MAEA: variants seen among roughly 807,000 people sequenced by gnomAD.
The protein encoded by MAEA is macrophage erythroblast attacher, E3 ubiquitin ligase.
MAEA carries 22 observed loss-of-function variants against 46.2 expected under a neutral mutation model. The ratio of observed to expected loss-of-function variants is 0.48; its 90% CI spans 0.34 to 0.68. The LOEUF (loss-of-function observed/expected upper bound fraction) is 0.68. Ranked by LOEUF, MAEA falls within the 30% of genes least tolerant of loss-of-function variation. The pLI is 0.01. For synonymous variants in MAEA, 246 were observed against 222.6 expected, an observed-to-expected ratio of 1.11 and a Z score of -0.94; for missense variants, 393 against 558.1, an observed-to-expected ratio of 0.70 and a Z score of 2.98.
intron 1 of MAEA, among the ~76,000 whole-genome samples, chr4:1,304,649 C>T (rs1735663488): frequency 6.6e-6 from 1 of 152,054 alleles, no homozygotes; most frequent in Non-Finnish European, 1.5e-5. Flanking sequence ...TCGTGTTGGC[C>T]AGGATGGTCT....
At chr4:1,329,944 G>T in intron 5 of MAEA, 1 of 985,464 alleles carries the variant, frequency 1.0e-6, no homozygotes, top group Non-Finnish European at 1.2e-6. Context: ...GGAGCGTCGG[G>T]CACCATCTAC....
At chr4:1,295,908 CTGCCTTCACCTGCA>C in intron 1 of MAEA, among the ~76,000 whole-genome samples, 1 of 131,328 alleles carries the variant, frequency 7.6e-6, no homozygotes, top group Admixed American at 7.6e-5. Flanking sequence ...CTCACCTGTG[CTGCCTTCACCTGCA>C]CCCCCTCACC....
intron 5 of MAEA, chr4:1,332,495 G>A: frequency 2.9e-6 from 1 of 349,254 alleles, no homozygotes; most frequent in Non-Finnish European, 5.4e-6. Flanking sequence ...CAGGAAGATG[G>A]CTTGAGCCCA....
At chr4:1,309,424 G>C (rs959661972) in intron 1 of MAEA, 21 of 1,273,732 alleles carry the variant, frequency 1.6e-5, no homozygotes, top group Non-Finnish European at 2.0e-5. Flanking sequence ...CGGAAGAGGA[G>C]GCGGTGCTTT....
rs538005788 is a variant in MAEA at position 1,297,297 on chromosome 4, C to T, written c.69+7315C>T. 1.6e-3 allele frequency among the ~76,000 whole-genome samples: 245 copies of T among 152,290 alleles called. 1 individual carries two copies. Among genetic ancestry groups the T allele is most frequent in the African/African-American group, 5.6e-3 (231 of 41,572 alleles). ...ATGGCTGCTGGGGCTGCGGCCTTCG[C>T]GGCCAGGAGGAGGGTAAGGGGGAAT... On this transcript the variant is annotated intron_variant, in intron 1 of 8. Coordinates refer to ENST00000303400, the MANE Select transcript of MAEA (RefSeq NM_001017405.3).
At chr4:1,316,969 CA>C (rs373687000) in intron 3 of MAEA, among the ~76,000 whole-genome samples, 2,255 of 114,298 alleles carry the variant, frequency 0.02, 43 homozygotes, top group African/African-American at 0.031. Context: ...GCAGGCCCAC[CA>C]CGGCCCCACA....
At chr4:1,330,549 T>G (rs1225671078) in intron 5 of MAEA, 1 of 118,892 alleles carries the variant, frequency 8.4e-6, no homozygotes, top group Non-Finnish European at 1.8e-5. Flanking sequence ...ACTCCTGACC[T>G]TGTGATCCGC....
At chr4:1,329,273 C>T (rs1262673561) in intron 5 of MAEA, 20 of 983,150 alleles carry the variant, frequency 2.0e-5, no homozygotes, top group Non-Finnish European at 2.3e-5. Context: ...CCTGTGTTCC[C>T]CCCGCTCCGC....
At chr4:1,290,698 CTGT>C (rs1734016764) in intron 1 of MAEA, among the ~76,000 whole-genome samples, 1 of 152,226 alleles carries the variant, frequency 6.6e-6, no homozygotes, top group East Asian at 1.9e-4. Flanking sequence ...CTTCGTGGTT[CTGT>C]GTTGCCTTCC....
chr4:1,330,816 C>G (rs1443880364), intron 5 of MAEA: 1 of 152,116 alleles, frequency 6.6e-6, no homozygotes, highest in East Asian at 1.9e-4. Context: ...ATCAAACGAT[C>G]TGAAAAGAGT....
intron 1 of MAEA, among the ~76,000 whole-genome samples, chr4:1,300,983 G>GC (rs1465630578): frequency 6.6e-6 from 1 of 152,186 alleles, no homozygotes; most frequent in Non-Finnish European, 1.5e-5. Context: ...CATGAGACTG[G>GC]CCCCTCCAGG....
At chr4:1,317,981 T>C (rs1737515053) in intron 3 of MAEA, among the ~76,000 whole-genome samples, 1 of 152,094 alleles carries the variant, frequency 6.6e-6, no homozygotes, top group African/African-American at 2.4e-5. Context: ...CACCTGGGTG[T>C]CAGGGAAGGG....
chr4:1,311,918 G>A lies in MAEA; in HGVS notation c.70-61G>A, dbSNP rs1577169072. ...TGAGGAGACCTGGTGTGTCCTGGGT[G>A]TGGGGCTGGTGGGGCTCACACCAGG... On this transcript the variant is annotated intron_variant, in intron 1 of 8. Transcript: ENST00000303400. This position sits in a 1 kb window ranked among gnomAD's most constrained non-coding sequence, Gnocchi z 4.4. 38 of 1,488,894 alleles carry A rather than the reference G, an allele frequency of 2.6e-5. No homozygotes were observed. In the East Asian group the frequency reaches 8.4e-4, roughly 33 times the overall value. 92.2% of individuals were successfully genotyped at this position (1,488,894 alleles called of 1,614,324 possible).
chr4:1,300,595 C>T (rs1207898087), intron 1 of MAEA, among the ~76,000 whole-genome samples: 1 of 152,266 alleles, frequency 6.6e-6, no homozygotes, highest in Admixed American at 6.5e-5. Context: ...GTGCTGCCGG[C>T]TTCCGAGGCT....
Position 1,339,654 on chromosome 4 carries a change from C to T in MAEA, c.*485C>T, listed in dbSNP as rs180889362. The stretch of plus-strand genomic sequence containing the variant: ...ACCCGCGATGCCGCGCCACGAGGGA[C>T]ACTTATGGCTTCATTCGAGAGCTGC... On this transcript the variant is annotated 3_prime_UTR_variant, in exon 9 of 9. Transcript: ENST00000303400. 4.1e-3 allele frequency: 649 copies of T among 159,244 alleles called. 4 individuals carry two copies. The highest frequency in any genetic ancestry group is 0.013 in the African/African-American group (549 of 41,664). 9.9% of individuals were successfully genotyped at this position (159,244 alleles called of 1,614,324 possible).
chr4:1,327,573 A>G (rs1739007975), intron 4 of MAEA, 54 bp from the exon 5 acceptor site: 1 of 1,338,360 alleles, frequency 7.5e-7, no homozygotes, highest in Non-Finnish European at 1.1e-6. Context: ...GCACCCGGGC[A>G]CCTGGGCTCT....
intron 1 of MAEA, among the ~76,000 whole-genome samples, chr4:1,296,963 C>T (rs561484558): frequency 1.2e-3 from 180 of 152,296 alleles, no homozygotes; most frequent in Non-Finnish European, 1.5e-3. Context: ...TGTGGCTTCA[C>T]AGACGGTCTC....
Position 1,338,551 on chromosome 4 carries a change from T to C in MAEA, c.1029T>C (p.Ser343=), listed in dbSNP as rs750271136. 3 of 1,613,354 alleles carry C rather than the reference T, an allele frequency of 1.9e-6. No homozygotes were observed. In the South Asian group the frequency reaches 3.3e-5, roughly 18 times the overall value. ...ACTCCCGCCTGGTCTGCAAGATTTC[T>C]GGCGACGTGATGAACGAGAACAATC... ...CANSRLVCKI[S]GDVMNENNPP... Residue 343 remains serine (S), a synonymous_variant, in exon 8 of 9, where the codon TCT becomes TCC. Coordinates refer to ENST00000303400, the MANE Select transcript of MAEA (RefSeq NM_001017405.3).
chr4:1,338,818 C>T (rs1003169846), intron 8 of MAEA: 1 of 671,420 alleles, frequency 1.5e-6, no homozygotes, highest in Admixed American at 2.9e-5. Context: ...GCAGCGGGGC[C>T]AGGCTGGCAC....
Sources: allele counts gnomAD v4.1 joint callset (sites outside exome capture counted in the v4.1 genomes callset), GRCh38; gene constraint gnomAD v4.1.1; non-coding constraint Gnocchi (gnomAD v3.1); transcripts MANE v1.5; gene names NCBI Gene and HGNC (gene_info 2026-07-23, HGNC 2026-07-21).